Variants in PKD1L3 observed in about 807,000 individuals in gnomAD.
PKD1L3 encodes the protein polycystin 1 like 3, transient receptor potential channel interacting, also known as polycystin-1-like protein 3.
In PKD1L3, 239 loss-of-function variants were observed where a neutral mutation model predicts 184.1. The ratio of observed to expected loss-of-function variants is 1.30; its 90% CI spans 1.17 to 1.45. PKD1L3 has a LOEUF of 1.45. Among genes scored for constraint, PKD1L3 ranks in the 40% most tolerant of loss-of-function variants. The pLI, the probability that PKD1L3 is intolerant of heterozygous loss-of-function variation, is 0.00. For synonymous variants in PKD1L3, 996 were observed against 778.8 expected (o/e 1.28, Z -4.64); for missense variants, 2,660 against 2,067.2 (o/e 1.29, Z -5.56).
chr16:71,980,963 A>G (rs1203620840), intron 7 of PKD1L3, among the ~76,000 whole-genome samples: 5 of 152,224 alleles, frequency 3.3e-5, no homozygotes, highest in Non-Finnish European at 5.9e-5. Flanking sequence ...GACATTTCAT[A>G]TAAGTGAATC....
Position 71,983,187 on chromosome 16 carries a change from C to T in PKD1L3, c.966+849G>A, listed in dbSNP as rs573825006. 3.3e-5 allele frequency among the ~76,000 whole-genome samples: 5 copies of T among 152,256 alleles called. No homozygotes were observed. In the East Asian group the frequency reaches 9.7e-4, roughly 29 times the overall value. On this transcript the variant is annotated intron_variant, in intron 6 of 29. Coordinates refer to ENST00000620267, the MANE Select transcript of PKD1L3 (RefSeq NM_181536.2). ...TTTCAGACAGAGTGTGGCTCTGTCA[C>T]CCAGGCTGGAGTGCAGTGGCAGAGT...
chr16:71,971,998 C>A (rs181428602), intron 12 of PKD1L3, among the ~76,000 whole-genome samples: 4 of 152,118 alleles, frequency 2.6e-5, no homozygotes, highest in South Asian at 2.1e-4. Flanking sequence ...AGGCGGATCA[C>A]GAGGACAGGA....
intron 15 of PKD1L3, among the ~76,000 whole-genome samples, chr16:71,966,356 T>G (rs2039501353): frequency 6.6e-6 from 1 of 152,096 alleles, no homozygotes; most frequent in African/African-American, 2.4e-5. Flanking sequence ...TATCATCGTC[T>G]AGTTATTTCT....
rs2039356759 is a variant in PKD1L3, at chr16:71,963,326, CACAG to C, written c.2487_2490del (p.Cys830ThrfsTer47). The C allele has an allele frequency of 1.3e-6, 2 of 1,550,744 alleles. No homozygotes were observed. Among genetic ancestry groups the C allele is most frequent in the Non-Finnish European group, 1.7e-6 (2 of 1,146,532 alleles). On this transcript the variant is annotated frameshift_variant, in exon 16 of 30. Transcript: ENST00000620267. LOFTEE classifies it high-confidence loss of function. ...TGCCACTTCCTCTTAACTGCCATGTCACAGACAATTACCTGGCTGACATACCTAT... is the reference window on the plus strand; with the variant it reads ...TGCCACTTCCTCTTAACTGCCATGTCACAATTACCTGGCTGACATACCTAT...
intron 13 of PKD1L3, among the ~76,000 whole-genome samples, chr16:71,968,943 G>C (rs1034188697): frequency 5.5e-5 from 8 of 144,910 alleles, no homozygotes; most frequent in Non-Finnish European, 1.1e-4. Context: ...TTTTTTTTTT[G>C]AGACAGAATC....
intron 13 of PKD1L3, 48 bp from the exon 14 acceptor site, chr16:71,968,055 T>C (rs972129524): frequency 6.5e-5 from 94 of 1,450,530 alleles, no homozygotes; most frequent in Middle Eastern, 1.9e-4. Flanking sequence ...CCACTTGGTA[T>C]AGTTCCTGCC....
intron 22 of PKD1L3, among the ~76,000 whole-genome samples, chr16:71,944,707 T>G (rs2038497233): frequency 1.3e-5 from 1 of 79,552 alleles, no homozygotes; most frequent in African/African-American, 3.6e-5. Context: ...TTTTGTTTGT[T>G]TTTTTTTTTT....
In PKD1L3 at chr16:71,967,285, G is replaced by T. The variant is rs1398754934; in HGVS notation, c.2317C>A (p.Arg773=). Residue 773 remains arginine, a synonymous_variant, in exon 15 of 30, where the codon CGG becomes AGG. Transcript: ENST00000620267. ...VVITLYGSEG[R]SEPHHLCDPQ... ...TCACAGAGGTGATGGGGCTCACTCC[G>T]TCCCTCTGATCCATAGAGGGTGATG... 1 of 1,551,510 alleles carries T rather than the reference G, an allele frequency of 6.4e-7. No individual in the cohort carries two copies. The highest frequency in any genetic ancestry group is 8.7e-7 in the Non-Finnish European group (1 of 1,146,886).
rs373727886 is a variant in PKD1L3, at chr16:71,952,932, C to A, written c.2971G>T (p.Ala991Ser). ...PPIQASCLSDASVEPLSATMV... is the reference protein window; with the variant it reads ...PPIQASCLSDSSVEPLSATMV... ...GTGGCAGAGAGAGGCTCAACAGAAG[C>A]ATCTGAGAGGCAGGAGGCCTGGATG... The change falls in exon 18 of 30, where the codon GCT becomes TCT. Residue 991 changes from alanine (A) to serine (S), a missense_variant. Coordinates refer to ENST00000620267, the MANE Select transcript of PKD1L3 (RefSeq NM_181536.2). 133 of 1,550,746 alleles carry A rather than the reference C, an allele frequency of 8.6e-5. No individual in the cohort carries two copies. In the African/African-American group the frequency reaches 1.6e-3, roughly 19 times the overall value.
Position 71,966,423 on chromosome 16 carries a change from CT to C in PKD1L3, c.2465+713del, listed in dbSNP as rs532620279. Among the ~76,000 whole-genome samples, 662 of 142,522 alleles carry C rather than the reference CT, an allele frequency of 4.6e-3. 1 individual carries two copies. The highest frequency in any genetic ancestry group is 0.011 in the Middle Eastern group (3 of 274). 93.5% of individuals were successfully genotyped at this position (142,522 alleles called of 152,430 possible). ...TCTTTCTCCTTCCTTAAGATCTTGA[CT>C]TTTTTTTTTTTTTCCTTCCCTCCGA... is the stretch of plus-strand genomic sequence containing the variant. On this transcript the variant is annotated intron_variant, in intron 15 of 29. Coordinates refer to ENST00000620267, the MANE Select transcript of PKD1L3 (RefSeq NM_181536.2).
chr16:71,990,194 C>T (rs1433585554), intron 4 of PKD1L3, 86 bp downstream of exon 4: 2 of 1,220,788 alleles, frequency 1.6e-6, no homozygotes, highest in Non-Finnish European at 2.3e-6. Flanking sequence ...TCAGAACACT[C>T]TACAAGATAG....
intron 14 of PKD1L3, among the ~76,000 whole-genome samples, 193 bp from the exon 15 acceptor site, chr16:71,967,508 A>G (rs187889490): frequency 6.6e-6 from 1 of 152,308 alleles, no homozygotes; most frequent in Admixed American, 6.5e-5. Flanking sequence ...TCTGTCACCC[A>G]GGCTGGAGTG....
At chr16:71,945,402 ATTTATT>A (rs1567498872) in intron 22 of PKD1L3, among the ~76,000 whole-genome samples, 92 of 25,974 alleles carry the variant, frequency 3.5e-3, no homozygotes, top group East Asian at 0.013. Context: ...ATATATATTT[ATTTATT>A]TATTTATTTA....
intron 6 of PKD1L3, among the ~76,000 whole-genome samples, chr16:71,983,207 CAG>C (rs1303360423): frequency 2.6e-5 from 4 of 152,120 alleles, no homozygotes; most frequent in Non-Finnish European, 4.4e-5. Flanking sequence ...AGTGCAGTGG[CAG>C]AGTCTTGGCT....
At position 71,933,861 on chromosome 16, in the gene PKD1L3, C is replaced by A. The variant is rs546907628; in HGVS notation, c.4824+54G>T. 2.0e-6 allele frequency: 3 copies of A among 1,524,570 alleles called. No individual in the cohort carries two copies. The East Asian group carries it at 7.4e-5, about 38-fold the overall frequency. 94.4% of individuals were successfully genotyped at this position (1,524,570 alleles called of 1,614,324 possible). A position where few individuals can be genotyped will look rare whatever the true frequency, so the allele number is the denominator to read the frequency against. The stretch of plus-strand genomic sequence containing the variant: ...GTGACCATTTCTATGGGAAGCGATG[C>A]GATTCCAAGACCACAGCACACGGAG... On this transcript the variant is annotated intron_variant, in intron 27 of 29. Coordinates refer to ENST00000620267, the MANE Select transcript of PKD1L3 (RefSeq NM_181536.2).
Position 71,963,248 on chromosome 16 carries a change from G to T in PKD1L3, c.2569C>A (p.Arg857=). Residue 857 remains arginine, a synonymous_variant, in exon 16 of 30, where the codon CGG becomes AGG. Coordinates refer to ENST00000620267, the MANE Select transcript of PKD1L3 (RefSeq NM_181536.2). ...CTCTTTGAAACTGGGATGAAGACCC[G>T]GTCAAGCTCACAGTCTCCGAGGTCC... The part of the protein sequence containing the change: ...AVDLGDCELD[R]VFIPVSKREL... The T allele has an allele frequency of 6.4e-7, 1 of 1,550,904 alleles. No homozygotes were observed. Among genetic ancestry groups the T allele is most frequent in the East Asian group, 2.4e-5 (1 of 40,866 alleles).
At chr16:71,959,146 C>T (rs2039172216) in intron 16 of PKD1L3, among the ~76,000 whole-genome samples, 1 of 149,918 alleles carries the variant, frequency 6.7e-6, no homozygotes, top group South Asian at 2.1e-4. Context: ...GCACGGTGGC[C>T]CTCACCTGTA....
chr16:71,959,568 A>G (rs1179891268), intron 16 of PKD1L3, among the ~76,000 whole-genome samples: 5 of 152,226 alleles, frequency 3.3e-5, no homozygotes, highest in Admixed American at 1.3e-4. Flanking sequence ...ATAACACTAG[A>G]GAGTAATTTA....
chr16:71,958,056 T>C (rs1169136251), intron 16 of PKD1L3, among the ~76,000 whole-genome samples: 1 of 152,160 alleles, frequency 6.6e-6, no homozygotes, highest in Non-Finnish European at 1.5e-5. Context: ...AAAAAATTTC[T>C]ATCCACTTAA....
Sources: allele counts gnomAD v4.1 joint callset (sites outside exome capture counted in the v4.1 genomes callset), GRCh38; gene constraint gnomAD v4.1.1; transcripts MANE v1.5; gene names NCBI Gene and HGNC (gene_info 2026-07-23, HGNC 2026-07-21).